Variants in VTI1A observed in about 807,000 individuals in gnomAD.
VTI1A encodes the protein vesicle transport through interaction with t-SNAREs homolog 1A.
In VTI1A, 22 loss-of-function variants were observed where a neutral mutation model predicts 34.9. The ratio of observed to expected loss-of-function variants is 0.63; its 90% CI spans 0.45 to 0.90. The LOEUF is 0.90. VTI1A is among the 40% of genes least tolerant of loss of function. VTI1A has a pLI of 0.00. For synonymous variants in VTI1A, 87 were observed against 97.3 expected, an observed-to-expected ratio of 0.89 and a Z score of 0.62; for missense variants, 268 against 275.6, an observed-to-expected ratio of 0.97 and a Z score of 0.20.
upstream of VTI1A, chr10:112,447,200 A>G: frequency 1.7e-6 from 1 of 604,268 alleles, no homozygotes; most frequent in Non-Finnish European, 2.8e-6. Context: ...ATTTCCGGAG[A>G]ACCGAGATTG....
the VTI1A span, among the ~76,000 whole-genome samples, chr10:112,844,317 T>C: frequency 4.6e-5 from 7 of 152,300 alleles, no homozygotes; most frequent in South Asian, 1.4e-3. Context: ...CAAATCTCCA[T>C]CTTAACTTCC....
chr10:112,680,452 A>G (rs1050559697), intron 7 of VTI1A, among the ~76,000 whole-genome samples: 1 of 152,216 alleles, frequency 6.6e-6, no homozygotes, highest in Non-Finnish European at 1.5e-5. Context: ...CCCTGGTTTT[A>G]GCCACAGAAA....
intron 3 of VTI1A, among the ~76,000 whole-genome samples, chr10:112,525,845 GATCTCTA>G (rs2134219199): frequency 6.6e-6 from 1 of 152,254 alleles, no homozygotes; most frequent in East Asian, 1.9e-4. Flanking sequence ...AAGGTATTAT[GATCTCTA>G]TGTGGTCAAG....
chr10:112,531,121 G>A (rs976753769), intron 4 of VTI1A, among the ~76,000 whole-genome samples: 17 of 149,720 alleles, frequency 1.1e-4, no homozygotes, highest in Admixed American at 4.0e-4. Flanking sequence ...ACGTGCGCGC[G>A]CGCGCATGAA....
intron 5 of VTI1A, 59 bp from the exon 6 acceptor site, chr10:112,668,159 G>A: frequency 7.0e-7 from 1 of 1,423,204 alleles, no homozygotes; most frequent in Non-Finnish European, 9.9e-7. Flanking sequence ...GTATTTCTGA[G>A]ATTTACTCTC....
chr10:112,798,401 T>C lies in VTI1A; in HGVS notation c.561-16889T>C, dbSNP rs140731958. ...GGCCATCGTGTTGTCTAGTAACTAA[T>C]TAGGGGGTCAGATATCACCCTCATC... On this transcript the variant is annotated intron_variant, in intron 7 of 7. Coordinates refer to ENST00000393077, the MANE Select transcript of VTI1A (RefSeq NM_145206.4). Among the ~76,000 whole-genome samples, 12 of 152,252 alleles carry C rather than the reference T, an allele frequency of 7.9e-5. 1 individual carries two copies. The East Asian group carries it at 2.3e-3, about 29-fold the overall frequency.
the VTI1A span, among the ~76,000 whole-genome samples, chr10:112,843,800 C>T: frequency 6.6e-6 from 1 of 152,136 alleles, no homozygotes; most frequent in South Asian, 2.1e-4. Flanking sequence ...CCCCAATCCC[C>T]TGTCCTTATC....
At chr10:112,689,398 G>A (rs768412492) in intron 7 of VTI1A, among the ~76,000 whole-genome samples, 5 of 152,214 alleles carry the variant, frequency 3.3e-5, no homozygotes, top group Non-Finnish European at 7.3e-5. Context: ...CTGAGGGGCA[G>A]CCTCTGCATT....
chr10:112,447,287 G>A lies in VTI1A; in HGVS notation c.-87G>A. The A allele has an allele frequency of 2.1e-6, 3 of 1,450,084 alleles. No individual in the cohort carries two copies. The South Asian group carries it at 3.6e-5, about 18-fold the overall frequency. 89.8% of individuals were successfully genotyped at this position (1,450,084 alleles called of 1,614,324 possible). Reference sequence around the variant, plus strand: ...TCTGCTCTCGGGGGCACCTTCCGGGGTTCCTAAGCCGCGGGGCCCCTCGCT... The same window carrying A: ...TCTGCTCTCGGGGGCACCTTCCGGGATTCCTAAGCCGCGGGGCCCCTCGCT... On this transcript the variant is annotated 5_prime_UTR_variant, in exon 1 of 8. Coordinates refer to ENST00000393077, the MANE Select transcript of VTI1A (RefSeq NM_145206.4).
chr10:112,814,661 A>G (rs887028985), intron 7 of VTI1A, among the ~76,000 whole-genome samples: 4 of 152,058 alleles, frequency 2.6e-5, no homozygotes, highest in African/African-American at 4.8e-5. Flanking sequence ...CCTTGAGTAC[A>G]TTGTATATTT....
chr10:112,710,208 C>CTTTT (rs36104889), intron 7 of VTI1A, among the ~76,000 whole-genome samples: 1 of 136,448 alleles, frequency 7.3e-6, no homozygotes. Context: ...CAGTTAATGT[C>CTTTT]TTTTTTTTTT....
chr10:112,572,175 C>G lies in VTI1A; in HGVS notation c.427+33845C>G, dbSNP rs967463086. On this transcript the variant is annotated intron_variant, in intron 5 of 7. Coordinates refer to ENST00000393077, the MANE Select transcript of VTI1A (RefSeq NM_145206.4). ...AAAGATAGTGGTTGATTGTAGAATT[C>G]TGTTTCTGTGTAAATCCTGCTCTGC... is the stretch of plus-strand genomic sequence containing the variant. Among the ~76,000 whole-genome samples the G allele has an allele frequency of 4.6e-5, 7 of 152,192 alleles. No homozygotes were observed. In the South Asian group the frequency reaches 8.3e-4, roughly 18 times the overall value.
chr10:112,523,556 T>TATTTAAC (rs1360110579), intron 3 of VTI1A, among the ~76,000 whole-genome samples: 18 of 152,092 alleles, frequency 1.2e-4, no homozygotes, highest in African/African-American at 4.1e-4. Flanking sequence ...AGTACTCTTG[T>TATTTAAC]ATTTAACTCT....
intron 5 of VTI1A, among the ~76,000 whole-genome samples, chr10:112,650,339 C>T (rs973213616): frequency 6.6e-6 from 1 of 152,170 alleles, no homozygotes; most frequent in African/African-American, 2.4e-5. Context: ...ACCCGCACAA[C>T]TTGTCCCACT....
intron 7 of VTI1A, among the ~76,000 whole-genome samples, chr10:112,670,080 A>G (rs951733592): frequency 6.6e-6 from 1 of 152,126 alleles, no homozygotes; most frequent in Non-Finnish European, 1.5e-5. Context: ...TAAGAGTACT[A>G]TGTAAATGGC....
chr10:112,779,998 A>T (rs1852068018), intron 7 of VTI1A, among the ~76,000 whole-genome samples: 1 of 151,708 alleles, frequency 6.6e-6, no homozygotes, highest in Admixed American at 6.6e-5. Flanking sequence ...TTTAATTCTA[A>T]ACTTAGTTGT....
chr10:112,610,498 T>C (rs1845254673), intron 5 of VTI1A, among the ~76,000 whole-genome samples: 1 of 152,208 alleles, frequency 6.6e-6, no homozygotes, highest in Admixed American at 6.5e-5. Context: ...TTTAGACAGT[T>C]GACTCTAATA....
chr10:112,613,418 T>A (rs1458531382), intron 5 of VTI1A, among the ~76,000 whole-genome samples: 1 of 152,202 alleles, frequency 6.6e-6, no homozygotes, highest in Non-Finnish European at 1.5e-5. Context: ...TACAAAATTA[T>A]TTATACAAAG....
At chr10:112,659,492 C>T (rs1410239970) in intron 5 of VTI1A, among the ~76,000 whole-genome samples, 3 of 152,188 alleles carry the variant, frequency 2.0e-5, no homozygotes, top group African/African-American at 7.2e-5. Context: ...TGACTGATGT[C>T]TGAGGGCTCT....
Sources: gnomAD v4.1 joint callset for allele counts (sites outside exome capture counted in the v4.1 genomes callset) on GRCh38, gnomAD v4.1.1 for gene constraint, MANE v1.5 for transcripts, NCBI Gene and HGNC (gene_info 2026-07-23, HGNC 2026-07-21) for gene names.